Variants in CLDN15 observed in about 807,000 individuals in gnomAD.
CLDN15 encodes claudin-15.
CLDN15 carries 9 observed loss-of-function variants against 24.5 expected under a neutral mutation model. That is an observed-to-expected ratio of 0.37 (90% CI 0.22 to 0.64). CLDN15 has a LOEUF of 0.64. Among genes scored for constraint, CLDN15 ranks in the 30% least tolerant of loss-of-function variants. The pLI, the probability that CLDN15 is intolerant of heterozygous loss-of-function variation, is 0.63. For missense variants in CLDN15, 248 were observed against 305.9 expected, an observed-to-expected ratio of 0.81 and a Z score of 1.41; for synonymous variants, 149 against 131.4, an observed-to-expected ratio of 1.13 and a Z score of -0.92.
intron 2 of CLDN15, 54 bp from the exon 3 acceptor site, chr7:101,232,968 G>A: frequency 1.6e-6 from 2 of 1,263,682 alleles, no homozygotes; most frequent in South Asian, 1.2e-5. Context: ...TAGTGGGGGA[G>A]GGGGCTTAGG....
At chr7:101,236,876 G>A (rs751967190) in intron 1 of CLDN15, 1 of 1,207,346 alleles carries the variant, frequency 8.3e-7, no homozygotes, top group South Asian at 1.3e-5. Context: ...AGGCTGGGGA[G>A]TCTGTGGAGC....
intron 2 of CLDN15, chr7:101,233,716 A>C (rs1227469285): frequency 5.9e-6 from 1 of 170,640 alleles, no homozygotes; most frequent in Non-Finnish European, 1.2e-5. Context: ...CTCCTGCCTC[A>C]GCCTCCAAGT....
At chr7:101,237,803 G>A (rs574712521), upstream of CLDN15, 45 of 583,884 alleles carry the variant, frequency 7.7e-5, no homozygotes, top group Admixed American at 9.9e-4. The surrounding 1 kb of genome is among the most constrained non-coding windows in gnomAD (Gnocchi z 4.0). Context: ...TCAGAGGAAT[G>A]AGCTAAGCCT....
chr7:101,237,299 C>T lies in CLDN15; in HGVS notation c.217+66G>A. The T allele has an allele frequency of 9.5e-7, 1 of 1,050,370 alleles. No homozygotes were observed. Among genetic ancestry groups the T allele is most frequent in the Non-Finnish European group, 1.4e-6 (1 of 690,204 alleles). The allele number at this position is 1,050,370 out of a possible 1,614,324, so 65.1% of individuals were successfully genotyped here. The stretch of plus-strand genomic sequence containing the variant: ...CCCTGCATCCTCACGGAAGTACCCG[C>T]CCTCCCCTGGGGTCTCTGCAGCTTC... On this transcript the variant is annotated intron_variant, in intron 1 of 4. Transcript: ENST00000308344. The surrounding 1 kb of genome is among the most constrained non-coding windows in gnomAD (Gnocchi z 4.0).
intron 2 of CLDN15, 25 bp downstream of exon 2, chr7:101,234,253 C>T (rs1334339921): frequency 5.1e-6 from 8 of 1,577,568 alleles, no homozygotes; most frequent in East Asian, 4.5e-5. Flanking sequence ...GGGGGACCCC[C>T]GCCCCATCAC....
upstream of CLDN15, chr7:101,238,133 T>G: frequency 5.5e-6 from 1 of 181,912 alleles, no homozygotes; most frequent in African/African-American, 2.3e-5. Flanking sequence ...AACAGCAGCC[T>G]TCAGTGGTGA....
At chr7:101,233,142 C>T (rs541900020) in intron 2 of CLDN15, among the ~76,000 whole-genome samples, 1 of 152,268 alleles carries the variant, frequency 6.6e-6, no homozygotes, top group African/African-American at 2.4e-5. Context: ...CCACCCAGCT[C>T]ATCTCACACT....
Position 101,232,370 on chromosome 7 carries a change from G to T in CLDN15, c.*40C>A. The stretch of plus-strand genomic sequence containing the variant: ...GGCCCCGGCCAGGTCCCCTCTCCTT[G>T]GGGCAGTGGGAAGACAGCGGGGCCC... On this transcript the variant is annotated 3_prime_UTR_variant, in exon 5 of 5. Coordinates refer to ENST00000308344, the MANE Select transcript of CLDN15 (RefSeq NM_014343.3). 6.9e-7 allele frequency: 1 copy of T among 1,440,140 alleles called. No homozygotes were observed. The highest frequency in any genetic ancestry group is 9.7e-7 in the Non-Finnish European group (1 of 1,027,386). 89.2% of individuals were successfully genotyped at this position (1,440,140 alleles called of 1,614,324 possible). A position where few individuals can be genotyped will look rare whatever the true frequency, so the allele number is the denominator to read the frequency against.
In CLDN15 at chr7:101,232,672, G is replaced by T; in HGVS notation, c.513C>A (p.Ile171=). Residue 171 remains isoleucine (I), a synonymous_variant, in exon 4 of 5, where the codon ATC becomes ATA. Coordinates refer to ENST00000308344, the MANE Select transcript of CLDN15 (RefSeq NM_014343.3). ...ALYLGWSASL[I]SILGGLCLCS... ...AGAGGCAGAGGCCACCCAGGATGGA[G>T]ATCAGTGAGGCGCTCCACCCCAGGT... is the stretch of plus-strand genomic sequence containing the variant. 1 of 1,592,164 alleles carries T rather than the reference G, an allele frequency of 6.3e-7. No individual in the cohort carries two copies.
chr7:101,237,772 GTC>G lies in CLDN15; in HGVS notation c.-193_-192del, dbSNP rs778962988. The G allele has an allele frequency of 4.9e-6, 3 of 608,674 alleles. No homozygotes were observed. The highest frequency in any genetic ancestry group is 8.8e-6 in the Non-Finnish European group (3 of 340,896). The allele number at this position is 608,674 out of a possible 1,614,324, so 37.7% of individuals were successfully genotyped here. ...TTTCTGCCTCCCTCCTGCTCTGTGGGTCTCTCTGCTTCCTGGCAGGTCAGAGG... is the reference window on the plus strand; with the variant it reads ...TTTCTGCCTCCCTCCTGCTCTGTGGGTCTCTGCTTCCTGGCAGGTCAGAGG... On this transcript the variant is annotated 5_prime_UTR_variant, in exon 1 of 5. Transcript: ENST00000308344. The surrounding 1 kb of genome is among the most constrained non-coding windows in gnomAD (Gnocchi z 4.0).
At chr7:101,235,149 C>A (rs1010669035) in intron 1 of CLDN15, among the ~76,000 whole-genome samples, 1 of 152,200 alleles carries the variant, frequency 6.6e-6, no homozygotes, top group Non-Finnish European at 1.5e-5. Flanking sequence ...GCCTTCCCCA[C>A]GTCTGATTCC....
intron 2 of CLDN15, among the ~76,000 whole-genome samples, chr7:101,233,231 A>G (rs1461869803): frequency 6.6e-6 from 1 of 151,750 alleles, no homozygotes; most frequent in Non-Finnish European, 1.5e-5. Flanking sequence ...CCTTCATCCC[A>G]TCATCTCCTC....
chr7:101,234,318 G>A lies in CLDN15; in HGVS notation c.342C>T (p.Ala114=). The A allele has an allele frequency of 6.2e-7, 1 of 1,610,828 alleles. No individual in the cohort carries two copies. The highest frequency in any genetic ancestry group is 1.1e-5 in the South Asian group (1 of 91,072). Residue 114 remains alanine, a synonymous_variant, in exon 2 of 5, where the codon GCC becomes GCT. Transcript: ENST00000308344. ...GGGCCCCTGCGGTGGCCGCCAGCTT[G>A]GCTTTCCTGGAGAGCTCCAGGCCCC... ...NIGGLELSRK[A]KLAATAGALH...
In CLDN15 at chr7:101,237,004, C is replaced by T. The variant is rs866626489; in HGVS notation, c.217+361G>A. On this transcript the variant is annotated intron_variant, in intron 1 of 4. Transcript: ENST00000308344. The surrounding 1 kb of genome is among the most constrained non-coding windows in gnomAD (Gnocchi z 4.0). ...TGAGTGCCTATGTGTGTTAACATCA[C>T]GCTAACATTCTGCACTTTCTCAGTC... The T allele has an allele frequency of 1.0e-5, 4 of 395,118 alleles. No individual in the cohort carries two copies. The highest frequency in any genetic ancestry group is 2.1e-5 in the African/African-American group (1 of 47,678). The allele number at this position is 395,118 out of a possible 1,614,324, so 24.5% of individuals were successfully genotyped here.
At chr7:101,236,167 G>A (rs1007494165) in intron 1 of CLDN15, among the ~76,000 whole-genome samples, 3 of 152,190 alleles carry the variant, frequency 2.0e-5, no homozygotes, top group African/African-American at 7.2e-5. Context: ...TGTCTGGGAA[G>A]TGGGTGTAGG....
chr7:101,236,034 G>A (rs1166077074), intron 1 of CLDN15, among the ~76,000 whole-genome samples: 2 of 152,126 alleles, frequency 1.3e-5, no homozygotes, highest in African/African-American at 2.4e-5. Context: ...CCCAAGGCCC[G>A]GAACCTGGTC....
intron 2 of CLDN15, 180 bp downstream of exon 2, chr7:101,234,098 T>A: frequency 1.4e-6 from 1 of 735,056 alleles, no homozygotes; most frequent in Non-Finnish European, 2.5e-6. Context: ...GCCGATGGGC[T>A]GATTTGCAGC....
At chr7:101,236,085 T>C (rs1798615405) in intron 1 of CLDN15, among the ~76,000 whole-genome samples, 1 of 152,156 alleles carries the variant, frequency 6.6e-6, no homozygotes. Context: ...GCACCATCTT[T>C]CATGCAGTTG....
chr7:101,237,662 G>A lies in CLDN15; in HGVS notation c.-81C>T. ...CCCTAGGGAACTGGAAGGGGCTGCG[G>A]CTAAGGAGGGTTGTCCAGGCAGGCT... is the stretch of plus-strand genomic sequence containing the variant. On this transcript the variant is annotated 5_prime_UTR_variant, in exon 1 of 5. Coordinates refer to ENST00000308344, the MANE Select transcript of CLDN15 (RefSeq NM_014343.3). The surrounding 1 kb of genome is among the most constrained non-coding windows in gnomAD (Gnocchi z 4.0). 1.0e-6 allele frequency: 1 copy of A among 994,128 alleles called. No individual in the cohort carries two copies. The highest frequency in any genetic ancestry group is 2.5e-5 in the East Asian group (1 of 39,310). 61.6% of individuals were successfully genotyped at this position (994,128 alleles called of 1,614,324 possible).
Sources: gnomAD v4.1 joint callset for allele counts (sites outside exome capture counted in the v4.1 genomes callset) on GRCh38, gnomAD v4.1.1 for gene constraint, Gnocchi (gnomAD v3.1) non-coding constraint, MANE v1.5 for transcripts, NCBI Gene and HGNC (gene_info 2026-07-23, HGNC 2026-07-21) for gene names.